RNF14: variants seen among roughly 807,000 people sequenced by gnomAD.
The protein encoded by RNF14 is ring finger protein 14.
In RNF14, 26 loss-of-function variants were observed where a neutral mutation model predicts 52.6. That is an observed-to-expected ratio of 0.49 (90% confidence interval 0.36 to 0.69). The LOEUF is 0.69. Among genes scored for constraint, RNF14 ranks in the 30% least tolerant of loss-of-function variants. RNF14 has a pLI of 0.00. For synonymous variants in RNF14, 194 were observed against 202.0 expected, an observed-to-expected ratio of 0.96 and a Z score of 0.34; for missense variants, 404 against 560.4, an observed-to-expected ratio of 0.72 and a Z score of 2.82.
At chr5:141,956,355 G>T, upstream of RNF14, 1 of 1,614,212 alleles carries the variant, frequency 6.2e-7, no homozygotes, top group East Asian at 2.2e-5. Flanking sequence ...GGGAGTCCTG[G>T]ATGCGGTATG....
At chr5:141,979,475 C>T (rs1446241098) in intron 5 of RNF14, among the ~76,000 whole-genome samples, 1 of 152,210 alleles carries the variant, frequency 6.6e-6, no homozygotes, top group Non-Finnish European at 1.5e-5. Context: ...TGGTCTTGAA[C>T]TCCTGACCTC....
upstream of RNF14, chr5:141,956,829 CT>C: frequency 6.2e-7 from 1 of 1,614,240 alleles, no homozygotes; most frequent in Non-Finnish European, 8.5e-7. Flanking sequence ...CATCCAGAAC[CT>C]TGATGAGAAC....
Position 141,978,497 on chromosome 5 carries a change from A to G in RNF14, c.501A>G (p.Leu167=). The G allele has an allele frequency of 3.7e-6, 6 of 1,614,200 alleles. No homozygotes were observed. The highest frequency in any genetic ancestry group is 5.1e-6 in the Non-Finnish European group (6 of 1,180,040). The change falls in exon 5 of 9, where the codon CTA becomes CTG. Residue 167 remains leucine, a synonymous_variant. Transcript: ENST00000394520. ...RTAQASPNTE[L]DFGGAAGSDV... is the part of the protein sequence containing the mutation. ...CTCAAGCTTCTCCCAACACAGAGCT[A>G]GATTTTGGAGGAGCTGCTGGATCTG...
upstream of RNF14, among the ~76,000 whole-genome samples, chr5:141,954,768 A>G (rs1263620195): frequency 6.6e-6 from 1 of 152,232 alleles, no homozygotes; most frequent in African/African-American, 2.4e-5. Context: ...AGGCCCAGAG[A>G]CAGTAAGGAA....
chr5:141,964,169 T>C (rs1462361743), upstream of RNF14, among the ~76,000 whole-genome samples: 1 of 152,234 alleles, frequency 6.6e-6, no homozygotes, highest in Non-Finnish European at 1.5e-5. Context: ...TGTCTTTATA[T>C]AACCCTGGGC....
chr5:141,966,668 C>A (rs1484918610), upstream of RNF14, among the ~76,000 whole-genome samples: 1 of 152,220 alleles, frequency 6.6e-6, no homozygotes, highest in Non-Finnish European at 1.5e-5. Flanking sequence ...TGTCTTTACC[C>A]AATCTTGTCC....
rs1387272140 is a variant in RNF14, at chr5:141,987,807, A to G, written c.*17A>G. The stretch of plus-strand genomic sequence containing the variant: ...GAAGACTAGTTAACTACTGCTCAAG[A>G]TATGGAAGTGGATTGTTTTTCCCTA... On this transcript the variant is annotated 3_prime_UTR_variant, in exon 9 of 9. Coordinates refer to ENST00000394520, the MANE Select transcript of RNF14 (RefSeq NM_004290.5). The G allele has an allele frequency of 6.2e-7, 1 of 1,610,708 alleles. No individual in the cohort carries two copies. The highest frequency in any genetic ancestry group is 1.3e-5 in the African/African-American group (1 of 74,958).
chr5:141,981,211 A>G (rs777232622), intron 6 of RNF14, among the ~76,000 whole-genome samples: 23 of 152,250 alleles, frequency 1.5e-4, no homozygotes, highest in Non-Finnish European at 3.4e-4. Context: ...TATTTGTTAC[A>G]CTGGTGTATA....
At chr5:141,987,693 G>A (rs372232503) in intron 8 of RNF14, 40 bp from the exon 9 acceptor site, 56 of 1,595,798 alleles carry the variant, frequency 3.5e-5, no homozygotes, top group African/African-American at 1.3e-4. Context: ...ATATTGTTTC[G>A]TTCAAGTGTA....
At chr5:141,963,032 A>G (rs1753287380), upstream of RNF14, 1 of 152,174 alleles carries the variant, frequency 6.6e-6, no homozygotes. Flanking sequence ...CAGCATCCTC[A>G]TGGTCCCCAC....
At chr5:141,956,599 A>G (rs753427845), upstream of RNF14, 16 of 1,614,194 alleles carry the variant, frequency 9.9e-6, no homozygotes, top group Non-Finnish European at 1.4e-5. Flanking sequence ...CTCTCTGTCC[A>G]GTGTGGCATT....
intron 6 of RNF14, chr5:141,982,552 T>C (rs1430815073): frequency 6.6e-6 from 1 of 152,216 alleles, no homozygotes; most frequent in Non-Finnish European, 1.5e-5. Flanking sequence ...ATTGAAAAAT[T>C]AAGGTAATAC....
rs769221989 is a variant in RNF14 at position 141,984,788 on chromosome 5, T to TATC, written c.1237-14_1237-12dup. ...TACAGCCTTGATATTTTTCTCTTTC[T>TATC]ATCCTTCCCACCAGAAATTAGACGG... On this transcript the variant is annotated splice_polypyrimidine_tract_variant and intron_variant, in intron 7 of 8. Coordinates refer to ENST00000394520, the MANE Select transcript of RNF14 (RefSeq NM_004290.5). The TATC allele has an allele frequency of 1.2e-6, 2 of 1,613,272 alleles. No individual in the cohort carries two copies. The highest frequency in any genetic ancestry group is 1.7e-6 in the Non-Finnish European group (2 of 1,179,290).
upstream of RNF14, among the ~76,000 whole-genome samples, chr5:141,967,607 C>T (rs114402581): frequency 5.7e-4 from 87 of 152,216 alleles, no homozygotes; most frequent in South Asian, 1.5e-3. Flanking sequence ...CTAATCCTGC[C>T]CGGGAGGCAA....
At chr5:141,955,368 A>G (rs1464101405), upstream of RNF14, 2 of 1,613,884 alleles carry the variant, frequency 1.2e-6, no homozygotes, top group Non-Finnish European at 1.7e-6. The surrounding 1 kb of genome is among the most constrained non-coding windows in gnomAD (Gnocchi z 5.5). Flanking sequence ...GGTTGCCTTG[A>G]TTACGCAGCG....
chr5:141,963,497 G>A (rs1406838278), upstream of RNF14, among the ~76,000 whole-genome samples: 2 of 151,818 alleles, frequency 1.3e-5, no homozygotes, highest in Non-Finnish European at 2.9e-5. Flanking sequence ...ATATTCAGAA[G>A]CGAACTCTGT....
upstream of RNF14, among the ~76,000 whole-genome samples, chr5:141,965,643 T>C (rs1186853673): frequency 6.6e-6 from 1 of 152,172 alleles, no homozygotes; most frequent in Non-Finnish European, 1.5e-5. Flanking sequence ...TAACCCTGGC[T>C]CCACCACTGT....
At chr5:141,985,485 G>A (rs905534084) in intron 8 of RNF14, among the ~76,000 whole-genome samples, 1 of 152,010 alleles carries the variant, frequency 6.6e-6, no homozygotes, top group African/African-American at 2.4e-5. Flanking sequence ...ATTGTATTTG[G>A]TTCTATCTCT....
At position 141,974,856 on chromosome 5, in the gene RNF14, T is replaced by G; in HGVS notation, c.207T>G (p.Phe69Leu). Residue 69 changes from phenylalanine to leucine, a missense_variant, in exon 4 of 9, where the codon TTT becomes TTG. By Grantham distance (22) the Phe-to-Leu change is conservative. Transcript: ENST00000394520. ...GTGGCTTTGAATACACCATTTGCTTTCTGCCTCCACTTGTGCTGAACTTTG... is the reference window on the plus strand; with the variant it reads ...GTGGCTTTGAATACACCATTTGCTTGCTGCCTCCACTTGTGCTGAACTTTG... The part of the protein sequence containing the change: ...QNSGFEYTIC[F>L]LPPLVLNFEL... 1 of 1,614,124 alleles carries G rather than the reference T, an allele frequency of 6.2e-7. No homozygotes were observed. The highest frequency in any genetic ancestry group is 8.5e-7 in the Non-Finnish European group (1 of 1,179,992).
Sources: allele counts gnomAD v4.1 joint callset (sites outside exome capture counted in the v4.1 genomes callset), GRCh38; gene constraint gnomAD v4.1.1; non-coding constraint Gnocchi (gnomAD v3.1); transcripts MANE v1.5; gene names NCBI Gene and HGNC (gene_info 2026-07-23, HGNC 2026-07-21).